The following PDZD2 variants were observed in gnomAD, a reference collection of about 807,000 sequenced individuals.
PDZD2 encodes the protein PDZ domain-containing protein 2.
A neutral mutation model predicts 220.7 loss-of-function variants in PDZD2; 90 were observed. The observed-to-expected ratio is 0.41, with a 90% CI of 0.34 to 0.49. The LOEUF is 0.49. Ranked by LOEUF, PDZD2 falls within the 20% of genes least tolerant of loss-of-function variation. The pLI is 0.28. For synonymous variants in PDZD2, 1,375 were observed against 1,450.5 expected (o/e 0.95, Z 1.18); for missense variants, 3,174 against 3,608.5 (o/e 0.88, Z 3.08).
chr5:32,036,243 CCG>C (rs1459682238), intron 6 of PDZD2, among the ~76,000 whole-genome samples: 1 of 152,168 alleles, frequency 6.6e-6, no homozygotes, highest in Non-Finnish European at 1.5e-5. Flanking sequence ...GCCACTGCAC[CCG>C]GCCTCATCAA....
At chr5:31,973,209 CT>C (rs1749461609) in intron 2 of PDZD2, among the ~76,000 whole-genome samples, 1 of 152,188 alleles carries the variant, frequency 6.6e-6, no homozygotes, top group Non-Finnish European at 1.5e-5. Flanking sequence ...AAAGGCCATA[CT>C]GTTATTCCCT....
intron 19 of PDZD2, 21 bp downstream of exon 19, chr5:32,077,627 G>C: frequency 6.2e-7 from 1 of 1,612,704 alleles, no homozygotes. Context: ...TTTCCCATTT[G>C]TTAATCTTAA....
chr5:32,075,582 T>C (rs1421782800), intron 18 of PDZD2, among the ~76,000 whole-genome samples: 1 of 152,278 alleles, frequency 6.6e-6, no homozygotes, highest in African/African-American at 2.4e-5. Context: ...ATATTGGTTA[T>C]GTTACTACTT....
chr5:31,790,095 C>T (rs1032101636), intron 1 of PDZD2, among the ~76,000 whole-genome samples: 3 of 152,078 alleles, frequency 2.0e-5, no homozygotes, highest in African/African-American at 7.2e-5. Context: ...TTGCCTCTTA[C>T]TGGGAGGTCT....
At chr5:32,029,986 A>G (rs1329417828) in intron 6 of PDZD2, among the ~76,000 whole-genome samples, 1 of 152,224 alleles carries the variant, frequency 6.6e-6, no homozygotes, top group East Asian at 1.9e-4. Flanking sequence ...CTTCCTCCCA[A>G]CTGGAGTTGG....
chr5:31,942,337 T>C (rs759285823), intron 2 of PDZD2, among the ~76,000 whole-genome samples: 3 of 152,118 alleles, frequency 2.0e-5, no homozygotes, highest in Non-Finnish European at 2.9e-5. Context: ...CAAACCTAGA[T>C]AAAGAGAAGC....
chr5:31,952,199 T>C (rs551260775), intron 2 of PDZD2, among the ~76,000 whole-genome samples: 1 of 152,348 alleles, frequency 6.6e-6, no homozygotes, highest in South Asian at 2.1e-4. Context: ...TCTGTGGTCA[T>C]AATTTTGAGA....
At chr5:31,838,524 CA>C (rs1407329542) in intron 2 of PDZD2, among the ~76,000 whole-genome samples, 1 of 152,164 alleles carries the variant, frequency 6.6e-6, no homozygotes, top group Admixed American at 6.5e-5. Context: ...GAAACTCACC[CA>C]AATTCAAACA....
rs568770545 is a variant in PDZD2 at position 31,916,359 on chromosome 5, G to A, written c.477-66796G>A. 1.1e-3 allele frequency among the ~76,000 whole-genome samples: 162 copies of A among 152,346 alleles called. 2 individuals carry two copies. The highest frequency in any genetic ancestry group is 3.6e-3 in the African/African-American group (151 of 41,586). On this transcript the variant is annotated intron_variant, in intron 2 of 24. Coordinates refer to ENST00000438447, the MANE Select transcript of PDZD2 (RefSeq NM_178140.4). ...CGTAGAGCAGGCTCAACCCCTCCAG[G>A]GGAGGGTGCCCTTGCGTACCCACAG...
chr5:32,026,138 ATT>A (rs142134117), intron 6 of PDZD2, among the ~76,000 whole-genome samples: 2 of 140,264 alleles, frequency 1.4e-5, no homozygotes, highest in Non-Finnish European at 1.5e-5. Context: ...GTTGACTACT[ATT>A]TTTTTTTTTT....
intron 2 of PDZD2, among the ~76,000 whole-genome samples, chr5:31,881,863 C>T (rs566984756): frequency 1.3e-4 from 20 of 151,780 alleles, no homozygotes; most frequent in Admixed American, 7.2e-4. Flanking sequence ...TACACGCATG[C>T]ATCACCATGC....
rs757192881 is a variant in PDZD2, at chr5:31,983,527, G to C, written c.849G>C (p.Arg283Ser). ...LKEVAGPHLERSEVDRGTEHR... is the reference protein window; with the variant it reads ...LKEVAGPHLESSEVDRGTEHR... ...AGGTGGCTGGACCCCATCTAGAGAGGTCAGAAGTGGACAGAGGGACAGAGC... is the reference window on the plus strand; with the variant it reads ...AGGTGGCTGGACCCCATCTAGAGAGCTCAGAAGTGGACAGAGGGACAGAGC... Residue 283 changes from arginine to serine, a missense_variant, in exon 3 of 25, where the codon AGG (arginine) becomes AGC (serine). Coordinates refer to ENST00000438447, the MANE Select transcript of PDZD2 (RefSeq NM_178140.4). 7 of 1,614,078 alleles carry C rather than the reference G, an allele frequency of 4.3e-6. No homozygotes were observed. The African/African-American group carries it at 9.3e-5, about 22-fold the overall frequency.
chr5:31,896,322 T>TTG (rs1561550593), intron 2 of PDZD2, among the ~76,000 whole-genome samples: 4 of 123,842 alleles, frequency 3.2e-5, no homozygotes, highest in Admixed American at 8.4e-5. Context: ...TTTGATACTC[T>TTG]CGTGTGTGTG....
chr5:31,840,110 C>G (rs933964441), intron 2 of PDZD2, among the ~76,000 whole-genome samples: 1 of 152,024 alleles, frequency 6.6e-6, no homozygotes, highest in Non-Finnish European at 1.5e-5. Flanking sequence ...CACCTGTACT[C>G]CCAGCTACTC....
At chr5:31,665,573 C>T (rs1453838689) in intron 1 of PDZD2, among the ~76,000 whole-genome samples, 2 of 151,932 alleles carry the variant, frequency 1.3e-5, no homozygotes, top group Non-Finnish European at 2.9e-5. Flanking sequence ...CGGTTTCCCC[C>T]ATGCTGTTCT....
intron 1 of PDZD2, among the ~76,000 whole-genome samples, chr5:31,656,900 C>T (rs890536235): frequency 6.6e-6 from 1 of 152,158 alleles, no homozygotes; most frequent in African/African-American, 2.4e-5. Flanking sequence ...CTATTGTAGT[C>T]TTATTATCAA....
intron 1 of PDZD2, among the ~76,000 whole-genome samples, chr5:31,727,800 G>A (rs1295476429): frequency 3.3e-5 from 5 of 151,524 alleles, no homozygotes; most frequent in South Asian, 2.1e-4. Flanking sequence ...CAGGAGATGC[G>A]AGACCGTCTT....
At chr5:31,940,840 C>T (rs1746150100) in intron 2 of PDZD2, among the ~76,000 whole-genome samples, 1 of 152,234 alleles carries the variant, frequency 6.6e-6, no homozygotes. Context: ...GTGCAGATGA[C>T]TCCCAGTGAA....
intron 1 of PDZD2, chr5:31,754,413 C>CT (rs1472893876): frequency 1.3e-5 from 2 of 152,166 alleles, no homozygotes; most frequent in Non-Finnish European, 1.5e-5. Context: ...TCTCGGTTGT[C>CT]TTTTTCCTCT....
Sources: allele counts gnomAD v4.1 joint callset (sites outside exome capture counted in the v4.1 genomes callset), GRCh38; gene constraint gnomAD v4.1.1; transcripts MANE v1.5; gene names NCBI Gene and HGNC (gene_info 2026-07-23, HGNC 2026-07-21).